The following JPH3 variants were observed in gnomAD, a reference collection of about 807,000 sequenced individuals.
The protein encoded by JPH3 is junctophilin-3.
A neutral mutation model predicts 59.6 loss-of-function variants in JPH3; 11 were observed. That is an observed-to-expected ratio of 0.18 (90% CI 0.12 to 0.31). The LOEUF (loss-of-function observed/expected upper bound fraction) is 0.31, where lower values mean the gene tolerates loss of function less well. Among genes scored for constraint, JPH3 ranks in the 10% least tolerant of loss-of-function variants. The probability of loss-of-function intolerance (pLI) is 1.00; values close to 1 mark genes in which losing one functional copy is unlikely to be tolerated. For synonymous variants in JPH3, 673 were observed against 483.6 expected (o/e 1.39, Z -5.14); for missense variants, 1,202 against 1,105.7 (o/e 1.09, Z -1.24).
chr16:87,674,124 G>A (rs1280909753), intron 2 of JPH3, among the ~76,000 whole-genome samples: 1 of 151,654 alleles, frequency 6.6e-6, no homozygotes, highest in Non-Finnish European at 1.5e-5. Context: ...CACGAGGTCA[G>A]GAGATCGAGA....
chr16:87,635,699 T>G (rs1289571776), intron 1 of JPH3, among the ~76,000 whole-genome samples: 1 of 152,124 alleles, frequency 6.6e-6, no homozygotes, highest in African/African-American at 2.4e-5. Context: ...TCTCATCCGC[T>G]CTCTGCGAGT....
chr16:87,656,319 A>G (rs1246179175), intron 2 of JPH3, among the ~76,000 whole-genome samples: 2 of 152,156 alleles, frequency 1.3e-5, no homozygotes, highest in Non-Finnish European at 2.9e-5. Context: ...CTGGATGCAC[A>G]CCTTCCTGAG....
rs1597227508 is a variant in JPH3 at position 87,602,511 on chromosome 16, C to G, written c.-636C>G. 2.9e-5 allele frequency among the ~76,000 whole-genome samples: 4 copies of G among 137,632 alleles called. No homozygotes were observed. Among genetic ancestry groups the G allele is most frequent in the Middle Eastern group, 7.9e-3 (2 of 252 alleles). The allele number at this position is 137,632 out of a possible 152,430, so 90.3% of individuals were successfully genotyped here. A position where few individuals can be genotyped will look rare whatever the true frequency, so the allele number is the denominator to read the frequency against. On this transcript the variant is annotated 5_prime_UTR_variant, in exon 1 of 5. Transcript: ENST00000284262. ...GCGGGCGCGCGCCGCGCGGCCCGAGCGCGCGAGCCGGGCCCGGAGCGCACG... is the reference window on the plus strand; with the variant it reads ...GCGGGCGCGCGCCGCGCGGCCCGAGGGCGCGAGCCGGGCCCGGAGCGCACG...
chr16:87,602,905 A>C lies in JPH3; in HGVS notation c.-242A>C. On this transcript the variant is annotated 5_prime_UTR_variant, in exon 1 of 5. Transcript: ENST00000284262. ...CCCCTCCGGTCCTGTCTCCAGCGGG[A>C]GCGCGAGACGCTGGTCAGGCTCCGC... 4.7e-6 allele frequency: 1 copy of C among 212,334 alleles called. No individual in the cohort carries two copies. The highest frequency in any genetic ancestry group is 8.3e-6 in the Non-Finnish European group (1 of 119,984). 13.2% of individuals were successfully genotyped at this position (212,334 alleles called of 1,614,324 possible). A position where few individuals can be genotyped will look rare whatever the true frequency, so the allele number is the denominator to read the frequency against.
Position 87,694,643 on chromosome 16 carries a change from G to C in JPH3, c.2167-1937G>C, listed in dbSNP as rs77391252. 3.3e-3 allele frequency: 506 copies of C among 152,956 alleles called. 2 individuals carry two copies. The highest frequency in any genetic ancestry group is 4.1e-3 in the Non-Finnish European group (278 of 68,508). 9.5% of individuals were successfully genotyped at this position (152,956 alleles called of 1,614,324 possible). ...GCTGACTTCATGCGGGATGTCTGCT[G>C]TTCTTTGCGTAGCTTTACTGAGACA... On this transcript the variant is annotated intron_variant, in intron 4 of 4. Coordinates refer to ENST00000284262, the MANE Select transcript of JPH3 (RefSeq NM_020655.4).
chr16:87,655,885 G>A (rs951099488), intron 2 of JPH3, among the ~76,000 whole-genome samples: 4 of 152,190 alleles, frequency 2.6e-5, no homozygotes, highest in Admixed American at 6.5e-5. Flanking sequence ...CCCTGAGTCC[G>A]CTCAGGGGTC....
At chr16:87,648,606 G>A (rs1366702220) in intron 2 of JPH3, among the ~76,000 whole-genome samples, 1 of 152,078 alleles carries the variant, frequency 6.6e-6, no homozygotes, top group Admixed American at 6.5e-5. Flanking sequence ...GGCGGGAGGT[G>A]TGGAGCTCGG....
chr16:87,661,452 ACT>A (rs1555539805), intron 2 of JPH3, among the ~76,000 whole-genome samples: 1 of 152,136 alleles, frequency 6.6e-6, no homozygotes, highest in Non-Finnish European at 1.5e-5. Context: ...ATAGCAGTGG[ACT>A]CTCTTTAGGG....
At chr16:87,634,865 C>T (rs57256117) in intron 1 of JPH3, among the ~76,000 whole-genome samples, 7,930 of 152,288 alleles carry the variant, frequency 0.052, 599 homozygotes, top group African/African-American at 0.16. Context: ...ATCAGCTCAG[C>T]GTAGGTTTCA....
chr16:87,604,389 T>G (rs1299970775), intron 1 of JPH3: 2 of 1,429,214 alleles, frequency 1.4e-6, no homozygotes, highest in East Asian at 7.3e-5. Flanking sequence ...CTGCCTGGAC[T>G]CTCCGATATC....
At chr16:87,658,360 C>A (rs2032578626) in intron 2 of JPH3, among the ~76,000 whole-genome samples, 1 of 151,928 alleles carries the variant, frequency 6.6e-6, no homozygotes, top group African/African-American at 2.4e-5. Flanking sequence ...CTCCTTCTCC[C>A]CGCTTCTCCC....
At chr16:87,648,779 C>A (rs568738345) in intron 2 of JPH3, among the ~76,000 whole-genome samples, 1 of 152,280 alleles carries the variant, frequency 6.6e-6, no homozygotes, top group Non-Finnish European at 1.5e-5. Context: ...GCCCAGTGTT[C>A]GGAGCCTTCG....
intron 2 of JPH3, among the ~76,000 whole-genome samples, chr16:87,662,768 C>T (rs1296461816): frequency 6.6e-6 from 1 of 152,214 alleles, no homozygotes. Context: ...CCCTCCTCAG[C>T]CCCCACGCAG....
intron 2 of JPH3, among the ~76,000 whole-genome samples, chr16:87,657,216 C>G (rs183693920): frequency 1.1e-4 from 17 of 152,324 alleles, no homozygotes; most frequent in African/African-American, 3.8e-4. Flanking sequence ...GGAGGCCAAA[C>G]TGACCAGACC....
At chr16:87,609,781 TGG>T (rs1401304899) in intron 1 of JPH3, among the ~76,000 whole-genome samples, 1 of 152,232 alleles carries the variant, frequency 6.6e-6, no homozygotes, top group Non-Finnish European at 1.5e-5. Context: ...TCTAGACCAA[TGG>T]TCCCCAACCT....
rs575821211 is a variant in JPH3, at chr16:87,627,571, G to A, written c.383-16687G>A. On this transcript the variant is annotated intron_variant, in intron 1 of 4. Transcript: ENST00000284262. Reference sequence around the variant, plus strand: ...TGTTTTACAGGCAGGGACAGTGAAGGGACTGTGACCGCTGTTGGTGCCAGG... The same window carrying A: ...TGTTTTACAGGCAGGGACAGTGAAGAGACTGTGACCGCTGTTGGTGCCAGG... Among the ~76,000 whole-genome samples, 6 of 152,320 alleles carry A rather than the reference G, an allele frequency of 3.9e-5. No homozygotes were observed. The East Asian group carries it at 7.7e-4, about 20-fold the overall frequency.
chr16:87,648,860 A>C (rs867337210), intron 2 of JPH3, among the ~76,000 whole-genome samples: 6 of 151,998 alleles, frequency 3.9e-5, no homozygotes, highest in Non-Finnish European at 8.8e-5. Flanking sequence ...TTGTCTCATC[A>C]TGTCTAGGTG....
intron 2 of JPH3, among the ~76,000 whole-genome samples, chr16:87,674,818 T>G (rs1184139779): frequency 6.6e-6 from 1 of 152,186 alleles, no homozygotes; most frequent in South Asian, 2.1e-4. Context: ...TGGAATGCAG[T>G]GGCGCGATCT....
At chr16:87,645,939 G>A (rs1022246060) in intron 2 of JPH3, among the ~76,000 whole-genome samples, 7 of 152,246 alleles carry the variant, frequency 4.6e-5, no homozygotes, top group Non-Finnish European at 1.0e-4. Flanking sequence ...ACTTGGGAAG[G>A]CATTTCAGAA....
Sources: allele counts gnomAD v4.1 joint callset (sites outside exome capture counted in the v4.1 genomes callset), GRCh38; gene constraint gnomAD v4.1.1; transcripts MANE v1.5; gene names NCBI Gene and HGNC (gene_info 2026-07-23, HGNC 2026-07-21).